Variants in ELAVL2 observed in about 807,000 individuals in gnomAD.
The protein encoded by ELAVL2 is ELAV like RNA binding protein 2, also known as ELAV-like protein 2.
In ELAVL2, 4 loss-of-function variants were observed where a neutral mutation model predicts 34.6. That is an observed-to-expected ratio of 0.12 (90% CI 0.06 to 0.26). The LOEUF (loss-of-function observed/expected upper bound fraction) is 0.26. ELAVL2 is among the 10% of genes least tolerant of loss of function. The pLI is 1.00. For synonymous variants in ELAVL2, 193 were observed against 154.8 expected, an observed-to-expected ratio of 1.25 and a Z score of -1.83; for missense variants, 432 against 442.8, an observed-to-expected ratio of 0.98 and a Z score of 0.22.
the ELAVL2 span, among the ~76,000 whole-genome samples, chr9:23,848,269 G>A: frequency 6.6e-6 from 1 of 152,064 alleles, no homozygotes; most frequent in Non-Finnish European, 1.5e-5. Flanking sequence ...TGTGGTCTAT[G>A]GATATTAGTG....
At chr9:23,828,029 T>C (rs1298965789), upstream of ELAVL2, among the ~76,000 whole-genome samples, 1 of 152,080 alleles carries the variant, frequency 6.6e-6, no homozygotes, top group Non-Finnish European at 1.5e-5. Context: ...TCTCTAGACC[T>C]GGGTGAAACT....
chr9:23,718,370 G>C (rs2042837625), intron 3 of ELAVL2, among the ~76,000 whole-genome samples: 2 of 152,092 alleles, frequency 1.3e-5, no homozygotes, highest in Non-Finnish European at 2.9e-5. Context: ...AATTATCAGG[G>C]ATCTAATGTA....
chr9:23,785,382 T>C (rs10811968), intron 1 of ELAVL2, among the ~76,000 whole-genome samples: 18,994 of 152,216 alleles, frequency 0.12, 1,609 homozygotes, highest in East Asian at 0.28. Context: ...GACCAAAGCA[T>C]ATTATAAAAT....
chr9:23,729,600 ACAGT>A (rs2046064644), intron 3 of ELAVL2, among the ~76,000 whole-genome samples: 1 of 152,100 alleles, frequency 6.6e-6, no homozygotes, highest in African/African-American at 2.4e-5. Flanking sequence ...TTGATAATAT[ACAGT>A]AACCAGTTCA....
At chr9:23,762,327 CTT>C (rs1270919534) in intron 1 of ELAVL2, 78 bp from the exon 2 acceptor site, 5 of 1,534,714 alleles carry the variant, frequency 3.3e-6, no homozygotes, top group African/African-American at 1.4e-5. Context: ...AATTTAAACA[CTT>C]GTCACTAAAC....
chr9:23,697,396 A>G (rs1031296026), intron 5 of ELAVL2, among the ~76,000 whole-genome samples: 5 of 152,198 alleles, frequency 3.3e-5, no homozygotes, highest in African/African-American at 1.2e-4. Context: ...GTCTTGCTTT[A>G]AAAGACATTT....
intron 1 of ELAVL2, among the ~76,000 whole-genome samples, chr9:23,796,944 T>C (rs2061003948): frequency 6.6e-6 from 1 of 152,144 alleles, no homozygotes; most frequent in African/African-American, 2.4e-5. Context: ...ATTTGAGAGA[T>C]AGCTAACTAT....
At chr9:23,744,650 C>T (rs1340972123) in intron 2 of ELAVL2, among the ~76,000 whole-genome samples, 1 of 151,950 alleles carries the variant, frequency 6.6e-6, no homozygotes, top group South Asian at 2.1e-4. Flanking sequence ...AGCAAGAGTA[C>T]TTTCTAGCAA....
At chr9:23,709,049 ACTTT>A (rs1165389353) in intron 3 of ELAVL2, among the ~76,000 whole-genome samples, 1 of 152,190 alleles carries the variant, frequency 6.6e-6, no homozygotes, top group Non-Finnish European at 1.5e-5. Flanking sequence ...AATTTTTGTT[ACTTT>A]CTAATTCTCA....
intron 1 of ELAVL2, among the ~76,000 whole-genome samples, chr9:23,803,380 G>C (rs894158723): frequency 6.6e-6 from 1 of 152,138 alleles, no homozygotes; most frequent in Admixed American, 6.6e-5. Context: ...AAAAATGCTT[G>C]AGTATCTTAT....
intron 1 of ELAVL2, among the ~76,000 whole-genome samples, chr9:23,793,897 T>C (rs1173345993): frequency 6.6e-6 from 1 of 151,718 alleles, no homozygotes; most frequent in Non-Finnish European, 1.5e-5. Context: ...CTCTAATAAA[T>C]TTTGCTTACC....
intron 3 of ELAVL2, among the ~76,000 whole-genome samples, chr9:23,721,883 CTG>C (rs1041135109): frequency 2.0e-5 from 3 of 152,280 alleles, no homozygotes; most frequent in African/African-American, 7.2e-5. Flanking sequence ...TATGTGATAA[CTG>C]TTTATGTTAT....
At chr9:23,771,528 T>G (rs2057308924) in intron 1 of ELAVL2, among the ~76,000 whole-genome samples, 1 of 152,134 alleles carries the variant, frequency 6.6e-6, no homozygotes, top group South Asian at 2.1e-4. Context: ...ATATTCACTA[T>G]TCACTTTATA....
intron 1 of ELAVL2, among the ~76,000 whole-genome samples, chr9:23,784,707 C>G (rs1240397333): frequency 6.6e-6 from 1 of 152,202 alleles, no homozygotes; most frequent in Non-Finnish European, 1.5e-5. Context: ...GAGGCTGGCT[C>G]AGTGTTTCTG....
chr9:23,715,769 A>G (rs2042136551), intron 3 of ELAVL2, among the ~76,000 whole-genome samples: 1 of 152,126 alleles, frequency 6.6e-6, no homozygotes, highest in Non-Finnish European at 1.5e-5. Flanking sequence ...GACACTGTCA[A>G]CAGATTAAAA....
At position 23,699,545 on chromosome 9, in the gene ELAVL2, A is replaced by C. The variant is rs557636403; in HGVS notation, c.713+1834T>G. ...AACTCGAGATCATTTTCAAGGCCCC[A>C]AAGAGCTCTGAAATTAACTGGACAA... On this transcript the variant is annotated intron_variant, in intron 5 of 6. Transcript: ENST00000397312. Among the ~76,000 whole-genome samples the C allele has an allele frequency of 4.6e-5, 7 of 152,312 alleles. No homozygotes were observed. The East Asian group carries it at 1.4e-3, about 29-fold the overall frequency.
chr9:23,803,310 T>C (rs1308973112), intron 1 of ELAVL2, among the ~76,000 whole-genome samples: 1 of 152,254 alleles, frequency 6.6e-6, no homozygotes, highest in East Asian at 1.9e-4. Flanking sequence ...TCAGAAAAGA[T>C]GCTTTATAAA....
chr9:23,756,587 C>T (rs748801728), intron 2 of ELAVL2, among the ~76,000 whole-genome samples: 31 of 152,228 alleles, frequency 2.0e-4, no homozygotes, highest in Non-Finnish European at 4.3e-4. Flanking sequence ...TGCTCGCACA[C>T]GTGCTTTCAG....
In ELAVL2 at chr9:23,707,192, T is replaced by C. The variant is rs1356860433; in HGVS notation, c.334-2121A>G. Among the ~76,000 whole-genome samples the C allele has an allele frequency of 2.6e-5, 4 of 152,224 alleles. No individual in the cohort carries two copies. The East Asian group carries it at 7.7e-4, about 29-fold the overall frequency. On this transcript the variant is annotated intron_variant, in intron 3 of 6. Transcript: ENST00000397312. ...AGAACAAGTGGCCAATTTCAAGTGA[T>C]TAATGTAACTTAGATGGAATCAAAT...
Sources: gnomAD v4.1 joint callset for allele counts (sites outside exome capture counted in the v4.1 genomes callset) on GRCh38, gnomAD v4.1.1 for gene constraint, MANE v1.5 for transcripts, NCBI Gene and HGNC (gene_info 2026-07-23, HGNC 2026-07-21) for gene names.